The following DST variants were observed in gnomAD, a reference collection of about 807,000 sequenced individuals.
DST encodes the protein dystonin.
DST carries 253 observed loss-of-function variants against 875.2 expected under a neutral mutation model. That is an observed-to-expected ratio of 0.29 (90% CI 0.26 to 0.32). DST has a LOEUF of 0.32. Among genes scored for constraint, DST ranks in the 10% least tolerant of loss-of-function variants. The pLI is 1.00. For missense variants in DST, 8,287 were observed against 9,111.6 expected, an observed-to-expected ratio of 0.91 and a Z score of 3.68; for synonymous variants, 3,124 against 3,197.1, an observed-to-expected ratio of 0.98 and a Z score of 0.77.
intron 5 of DST, among the ~76,000 whole-genome samples, chr6:56,717,320 T>C (rs948487822): frequency 1.3e-5 from 2 of 152,116 alleles, no homozygotes; most frequent in African/African-American, 4.8e-5. Context: ...GAGGTGGAGC[T>C]CAGGTGATAA....
chr6:56,760,459 T>C (rs2099614589), intron 4 of DST, among the ~76,000 whole-genome samples: 1 of 152,226 alleles, frequency 6.6e-6, no homozygotes, highest in Non-Finnish European at 1.5e-5. Flanking sequence ...TCTTCTTCCT[T>C]TTTAAACTCT....
intron 50 of DST, among the ~76,000 whole-genome samples, chr6:56,576,492 C>G (rs529442733): frequency 3.9e-5 from 6 of 152,042 alleles, no homozygotes; most frequent in Non-Finnish European, 8.8e-5. Flanking sequence ...GAAGCTAATT[C>G]CAGGTAGACA....
At chr6:56,566,489 C>T (rs2097681084) in intron 55 of DST, among the ~76,000 whole-genome samples, 1 of 152,196 alleles carries the variant, frequency 6.6e-6, no homozygotes, top group Non-Finnish European at 1.5e-5. Flanking sequence ...GGTGAGGCAA[C>T]ACCCCACCCT....
intron 59 of DST, among the ~76,000 whole-genome samples, 162 bp from the exon 60 acceptor site, chr6:56,556,002 A>C: frequency 6.6e-6 from 1 of 152,296 alleles, no homozygotes; most frequent in African/African-American, 2.4e-5. Flanking sequence ...AATTCTCTTA[A>C]ATCCGAAGAG....
Position 56,517,234 on chromosome 6 carries a change from C to A in DST, c.18321G>T (p.Met6107Ile). The A allele has an allele frequency of 6.2e-7, 1 of 1,613,146 alleles. No homozygotes were observed. Among genetic ancestry groups the A allele is most frequent in the South Asian group, 1.1e-5 (1 of 91,028 alleles). ...GCTTTTCCTCTTCACTGCATGCGGT[C>A]ATGATTTTATGCCCAGATTTAACAA... Reference protein sequence around the residue: ...DDLVKSGHKIMTACSEEEKQS... With the variant: ...DDLVKSGHKIITACSEEEKQS... Residue 6107 changes from methionine (M) to isoleucine (I), a missense_variant, in exon 71 of 104, where the codon ATG becomes ATT. Coordinates refer to ENST00000680361, the MANE Select transcript of DST (RefSeq NM_001374736.1).
chr6:56,486,280 G>T lies in DST; in HGVS notation c.21048-809C>A, dbSNP rs996702460. ...TGGGAGGCTGAGGCAGGAGAATGGC[G>T]TGAACCCGGGAGGCAGAGCTCGCAG... On this transcript the variant is annotated intron_variant, in intron 87 of 103. Transcript: ENST00000680361. 8.6e-4 allele frequency among the ~76,000 whole-genome samples: 127 copies of T among 147,604 alleles called. 2 individuals are homozygous for T. The highest frequency in any genetic ancestry group is 2.4e-4 in the Non-Finnish European group (16 of 66,946).
chr6:56,484,250 CATTT>C (rs1363006273), intron 88 of DST: 1 of 152,062 alleles, frequency 6.6e-6, no homozygotes, highest in Non-Finnish European at 1.5e-5. Flanking sequence ...ATACACAAAA[CATTT>C]ATTTCAATAT....
rs1295456590 is a variant in DST, at chr6:56,593,741, A to C, written c.12648T>G (p.Val4216=). The C allele has an allele frequency of 1.2e-6, 2 of 1,613,928 alleles. No homozygotes were observed. The highest frequency in any genetic ancestry group is 3.3e-5 in the Admixed American group (2 of 60,018). ...CTTCTCTGTGGGTTGCAGAAGTATC[A>C]ACCTTGCCACCGTCTCTCTTGCTGC... ...KSCSKRDGGK[V]DTSATHREVQ... Residue 4216 remains valine, a synonymous_variant, in exon 48 of 104, where the codon GTT becomes GTG. Transcript: ENST00000680361.
intron 13 of DST, 124 bp downstream of exon 13, chr6:56,648,446 C>G: frequency 1.3e-6 from 1 of 790,040 alleles, no homozygotes; most frequent in East Asian, 2.9e-5. Context: ...ACAAATTTTG[C>G]CTACTTATTA....
intron 71 of DST, among the ~76,000 whole-genome samples, chr6:56,516,145 G>A (rs868039539): frequency 2.2e-5 from 3 of 135,870 alleles, no homozygotes; most frequent in Non-Finnish European, 3.2e-5. Context: ...GAGAGAGAGA[G>A]AGAAAGAGAA....
chr6:56,806,999 T>C (rs2153030319), intron 4 of DST, among the ~76,000 whole-genome samples: 1 of 152,282 alleles, frequency 6.6e-6, no homozygotes, highest in South Asian at 2.1e-4. Context: ...GATCTAAATA[T>C]ATACTACGTT....
chr6:56,896,228 C>T (rs147890840), intron 3 of DST, among the ~76,000 whole-genome samples: 2,527 of 147,772 alleles, frequency 0.017, 163 homozygotes, highest in African/African-American at 0.061. Context: ...CCACCCAAAT[C>T]TCAACTTGAA....
rs2094928348 is a variant in DST at position 56,472,162 on chromosome 6, T to C, written c.22055A>G (p.Lys7352Arg). 2 of 1,613,900 alleles carry C rather than the reference T, an allele frequency of 1.2e-6. No homozygotes were observed. Among genetic ancestry groups the C allele is most frequent in the East Asian group, 2.2e-5 (1 of 44,858 alleles). ...PSGSQTQIETKNPRVNLLVSK... is the reference protein window; with the variant it reads ...PSGSQTQIETRNPRVNLLVSK... ...CACCAGTAAGTTTACCCTAGGATTT[T>C]TGGTTTCAATTTGTGTCTGTGACCC... Residue 7352 changes from lysine to arginine, a missense_variant, in exon 94 of 104, where the codon AAA becomes AGA. Transcript: ENST00000680361.
chr6:56,671,973 C>A lies in DST; in HGVS notation c.1048-1166G>T, dbSNP rs144773544. Reference sequence around the variant, plus strand: ...ATGAGGAGGAGGCAGAAGCAGATAACGTTTAGGACCCTTTTCAGTCTAAAG... The same window carrying A: ...ATGAGGAGGAGGCAGAAGCAGATAAAGTTTAGGACCCTTTTCAGTCTAAAG... On this transcript the variant is annotated intron_variant, in intron 9 of 103. Transcript: ENST00000680361. 8.6e-3 allele frequency among the ~76,000 whole-genome samples: 1,312 copies of A among 152,240 alleles called. 9 individuals carry two copies. Among genetic ancestry groups the A allele is most frequent in the Non-Finnish European group, 0.014 (957 of 68,022 alleles).
chr6:56,868,811 C>T (rs1775560195), intron 3 of DST, among the ~76,000 whole-genome samples: 1 of 152,072 alleles, frequency 6.6e-6, no homozygotes, highest in South Asian at 2.1e-4. Context: ...GTTGATTTGG[C>T]CTAACAGAAA....
At chr6:56,631,164 T>G in intron 30 of DST, 47 bp downstream of exon 30, 11 of 959,538 alleles carry the variant, frequency 1.1e-5, no homozygotes, top group Non-Finnish European at 1.6e-5. Flanking sequence ...TAAATAAAAA[T>G]GAGAGTTGTA....
intron 4 of DST, among the ~76,000 whole-genome samples, chr6:56,768,374 C>A (rs1265125111): frequency 6.6e-6 from 1 of 151,964 alleles, no homozygotes; most frequent in African/African-American, 2.4e-5. Context: ...ACAGAGGGCC[C>A]AGAAATAGAC....
At position 56,529,986 on chromosome 6, in the gene DST, A is replaced by G; in HGVS notation, c.17256T>C (p.Ile5752=). The G allele has an allele frequency of 6.2e-7, 1 of 1,613,482 alleles. No homozygotes were observed. The highest frequency in any genetic ancestry group is 8.5e-7 in the Non-Finnish European group (1 of 1,179,640). ...ATTTATATCTTACTTTGTGCTGTGC[A>G]ATTTGTTCCTCAAGTTTAGATGCTT... is the stretch of plus-strand genomic sequence containing the variant. ...GTQASKLEEQ[I]AQHKALEDDI... Residue 5752 remains isoleucine (I), a synonymous_variant, in exon 65 of 104, where the codon ATT becomes ATC. Coordinates refer to ENST00000680361, the MANE Select transcript of DST (RefSeq NM_001374736.1).
intron 4 of DST, among the ~76,000 whole-genome samples, chr6:56,818,017 C>T (rs1263873531): frequency 2.0e-5 from 3 of 152,098 alleles, no homozygotes; most frequent in Non-Finnish European, 4.4e-5. Flanking sequence ...GTGGAAGTGA[C>T]ATAGCCATGA....
Sources: gnomAD v4.1 joint callset for allele counts (sites outside exome capture counted in the v4.1 genomes callset) on GRCh38, gnomAD v4.1.1 for gene constraint, MANE v1.5 for transcripts, NCBI Gene and HGNC (gene_info 2026-07-23, HGNC 2026-07-21) for gene names.